The following DPP10 variants were observed in gnomAD, a reference collection of about 807,000 sequenced individuals.
DPP10 encodes the protein dipeptidyl peptidase like 10.
In DPP10, 33 loss-of-function variants were observed where a neutral mutation model predicts 120.9. The ratio of observed to expected loss-of-function variants is 0.27; its 90% CI spans 0.21 to 0.37. The LOEUF (loss-of-function observed/expected upper bound fraction) is 0.37, where lower values mean the gene tolerates loss of function less well. Ranked by LOEUF, DPP10 falls within the 10% of genes least tolerant of loss-of-function variation. The pLI, the probability that DPP10 is intolerant of heterozygous loss-of-function variation, is 1.00. For missense variants in DPP10, 816 were observed against 942.8 expected (o/e 0.87, Z 1.76); for synonymous variants, 337 against 326.1 (o/e 1.03, Z -0.36).
At chr2:114,635,137 T>C (rs1385857716) in intron 1 of DPP10, among the ~76,000 whole-genome samples, 4 of 151,914 alleles carry the variant, frequency 2.6e-5, no homozygotes, top group African/African-American at 9.7e-5. Context: ...TGTTTTTTTT[T>C]TCTGTTTGCA....
intron 1 of DPP10, among the ~76,000 whole-genome samples, chr2:115,258,938 A>G (rs1183939877): frequency 2.6e-5 from 4 of 152,190 alleles, no homozygotes; most frequent in Admixed American, 6.5e-5. Flanking sequence ...TATCTTACCA[A>G]TGAAGATTGA....
intron 1 of DPP10, among the ~76,000 whole-genome samples, chr2:115,139,080 C>T (rs2050788613): frequency 6.6e-6 from 1 of 152,160 alleles, no homozygotes; most frequent in African/African-American, 2.4e-5. Flanking sequence ...AATTTATAGT[C>T]TTGCTAGAAA....
intron 1 of DPP10, among the ~76,000 whole-genome samples, chr2:114,950,292 C>CTTTTTTT (rs35889704): frequency 2.2e-5 from 2 of 90,808 alleles, no homozygotes; most frequent in African/African-American, 4.2e-5. Context: ...CCACACCTTG[C>CTTTTTTT]TTTTTTTTTT....
At chr2:115,792,775 G>A (rs1417046468) in intron 19 of DPP10, among the ~76,000 whole-genome samples, 2 of 152,106 alleles carry the variant, frequency 1.3e-5, no homozygotes, top group Non-Finnish European at 1.5e-5. Context: ...TCTCCCTTTG[G>A]TAAAAGGAAA....
At chr2:114,844,915 C>T (rs1688424584) in intron 1 of DPP10, among the ~76,000 whole-genome samples, 1 of 152,058 alleles carries the variant, frequency 6.6e-6, no homozygotes, top group African/African-American at 2.4e-5. Context: ...CTAGGTATAT[C>T]ACATACCCAT....
intron 1 of DPP10, among the ~76,000 whole-genome samples, chr2:114,959,312 TGA>T (rs1446036035): frequency 6.6e-6 from 1 of 152,222 alleles, no homozygotes. Context: ...ACATTTCCTC[TGA>T]GTAGAATCTT....
chr2:115,547,499 C>T (rs113593244), intron 5 of DPP10, among the ~76,000 whole-genome samples: 2,136 of 152,256 alleles, frequency 0.014, 53 homozygotes, highest in African/African-American at 0.048. Context: ...ATAGGCCAGG[C>T]ACAGTGGCTC....
intron 1 of DPP10, among the ~76,000 whole-genome samples, chr2:114,741,394 G>A (rs1482236149): frequency 2.0e-5 from 3 of 152,150 alleles, no homozygotes; most frequent in Admixed American, 6.5e-5. Context: ...TGCTAATGAT[G>A]GAGAGAGTGT....
chr2:115,711,394 A>G (rs2092309737), intron 7 of DPP10, among the ~76,000 whole-genome samples: 1 of 152,160 alleles, frequency 6.6e-6, no homozygotes, highest in Admixed American at 6.5e-5. Context: ...GGAATGCTAC[A>G]GTGGCTACGT....
Position 115,780,876 on chromosome 2 carries a change from C to T in DPP10, c.1364C>T (p.Ala455Val), listed in dbSNP as rs1682677102. Residue 455 changes from alanine (A) to valine (V), a missense_variant and splice_region_variant, in exon 16 of 26, where the codon GCT (alanine) becomes GTT (valine). By Grantham distance (64) the Ala-to-Val change is moderately conservative. This residue lies in a region of DPP10 where 592 missense variants were observed against 649.0 expected (regional missense o/e 0.91). Coordinates refer to ENST00000410059, the MANE Select transcript of DPP10 (RefSeq NM_020868.6). ...SSPRGRQLYSASTEGLLNRQC... is the reference protein window; with the variant it reads ...SSPRGRQLYSVSTEGLLNRQC... The stretch of plus-strand genomic sequence containing the variant: ...TAACTTCCTTTTTCTTTCTCCAGTG[C>T]TTCTACTGAAGGATTATTGAATCGC... 1.9e-6 allele frequency: 3 copies of T among 1,599,746 alleles called. No homozygotes were observed. The African/African-American group carries it at 4.0e-5, about 21-fold the overall frequency.
chr2:114,466,276 AAAT>A (rs1192095649), intron 1 of DPP10, among the ~76,000 whole-genome samples: 1 of 152,216 alleles, frequency 6.6e-6, no homozygotes, highest in African/African-American at 2.4e-5. Context: ...TATCAATGGA[AAAT>A]AATAACATAA....
chr2:114,576,458 C>G (rs745749602), intron 1 of DPP10, among the ~76,000 whole-genome samples: 174 of 152,286 alleles, frequency 1.1e-3, no homozygotes, highest in Non-Finnish European at 2.2e-3. Context: ...CAGTGAAAAT[C>G]TGTGCCTGGC....
intron 1 of DPP10, among the ~76,000 whole-genome samples, chr2:114,883,633 A>C (rs1259233039): frequency 6.6e-6 from 1 of 152,162 alleles, no homozygotes; most frequent in African/African-American, 2.4e-5. Context: ...CCTGAGAGTT[A>C]TGTGTTGATG....
intron 1 of DPP10, among the ~76,000 whole-genome samples, chr2:115,200,250 A>C (rs889817101): frequency 6.6e-6 from 1 of 152,182 alleles, no homozygotes; most frequent in Admixed American, 6.5e-5. Flanking sequence ...TGTTTGAAGA[A>C]TGAAAGCATT....
intron 5 of DPP10, among the ~76,000 whole-genome samples, chr2:115,540,991 G>A (rs970131744): frequency 1.3e-5 from 2 of 151,754 alleles, no homozygotes; most frequent in Admixed American, 6.6e-5. Context: ...TAATTTCTAA[G>A]CAAAAGCATT....
intron 1 of DPP10, among the ~76,000 whole-genome samples, chr2:114,520,053 C>T (rs562290199): frequency 6.6e-6 from 1 of 152,306 alleles, no homozygotes; most frequent in African/African-American, 2.4e-5. Context: ...ATCTTCTTTC[C>T]TTAGAAAAAT....
intron 10 of DPP10, among the ~76,000 whole-genome samples, chr2:115,752,607 C>G (rs2149748204): frequency 6.6e-6 from 1 of 152,014 alleles, no homozygotes; most frequent in African/African-American, 2.4e-5. Flanking sequence ...TGGCAAAGAC[C>G]AAAACAAACC....
At chr2:115,812,262 A>G (rs1686725095) in intron 19 of DPP10, among the ~76,000 whole-genome samples, 3 of 152,222 alleles carry the variant, frequency 2.0e-5, no homozygotes, top group Non-Finnish European at 2.9e-5. Context: ...TAAATCCACA[A>G]GCTTCAAAAT....
At chr2:115,244,423 A>C (rs1253164401) in intron 1 of DPP10, among the ~76,000 whole-genome samples, 1 of 151,926 alleles carries the variant, frequency 6.6e-6, no homozygotes, top group Non-Finnish European at 1.5e-5. Flanking sequence ...TGGCATTATA[A>C]AAATTGCAGT....
Sources: allele counts gnomAD v4.1 joint callset (sites outside exome capture counted in the v4.1 genomes callset), GRCh38; gene constraint gnomAD v4.1.1; regional missense constraint gnomAD v4.1.1; transcripts MANE v1.5; gene names NCBI Gene and HGNC (gene_info 2026-07-23, HGNC 2026-07-21).